Variants in FBXO38 observed in about 807,000 individuals in gnomAD.
FBXO38 encodes the protein F-box only protein 38.
A neutral mutation model predicts 131.9 loss-of-function variants in FBXO38; 53 were observed. That is an observed-to-expected ratio of 0.40 (90% CI 0.32 to 0.51). FBXO38 has a LOEUF of 0.51. Among genes scored for constraint, FBXO38 ranks in the 20% least tolerant of loss-of-function variants. The pLI is 0.53. For missense variants in FBXO38, 1,076 were observed against 1,475.6 expected, an observed-to-expected ratio of 0.73 and a Z score of 4.44; for synonymous variants, 452 against 505.6, an observed-to-expected ratio of 0.89 and a Z score of 1.42.
At position 148,441,211 on chromosome 5, in the gene FBXO38, G is replaced by T. The variant is rs149713669; in HGVS notation, c.3362G>T (p.Arg1121Leu). 2 of 1,613,368 alleles carry T rather than the reference G, an allele frequency of 1.2e-6. No individual in the cohort carries two copies. The highest frequency in any genetic ancestry group is 1.7e-6 in the Non-Finnish European group (2 of 1,179,726). ...GCTGCAGAGCCCAACAGCTTCGCTC[G>T]ATACGACTTTGAAGACGATGAAGAA... ...LRAAEPNSFA[R>L]YDFEDDEEST... is the part of the protein sequence containing the mutation. The change falls in exon 21 of 22, where the codon CGA (arginine) becomes CTA (leucine). Residue 1121 changes from arginine to leucine, a missense_variant. Arg to Leu is a moderately radical substitution (Grantham distance 102). This residue lies in a region of FBXO38 where 282 missense variants were observed against 418.8 expected (regional missense o/e 0.67). Transcript: ENST00000340253.
intron 8 of FBXO38, among the ~76,000 whole-genome samples, chr5:148,410,077 C>G (rs1752659868): frequency 6.6e-6 from 1 of 152,158 alleles, no homozygotes; most frequent in African/African-American, 2.4e-5. Flanking sequence ...TGCAGATACT[C>G]CTTTGAAGAA....
At chr5:148,441,934 C>T in intron 21 of FBXO38, 35 bp from the exon 22 acceptor site, 6 of 1,570,398 alleles carry the variant, frequency 3.8e-6, no homozygotes, top group Non-Finnish European at 5.2e-6. Context: ...TTCTGATTAT[C>T]ATATGTATCT....
Position 148,404,757 on chromosome 5 carries a change from A to C in FBXO38, c.665A>C (p.Lys222Thr). The part of the protein sequence containing the change: ...HLYMKWVRLT[K>T]PQPFKDFLCI... ...TATATGAAGTGGGTAAGACTCACTA[A>C]ACCACAGCCATTTAAAGACTTCCTT... Residue 222 changes from lysine to threonine, a missense_variant, in exon 6 of 22, where the codon AAA becomes ACA. Physicochemically the swap from Lys to Thr is moderately conservative, Grantham distance 78 (BLOSUM62 -1). Around this residue, in one of 8 missense-constraint regions of FBXO38, gnomAD observed 66 missense variants for 72.4 expected, o/e 0.91. Transcript: ENST00000340253. 4.4e-6 allele frequency: 7 copies of C among 1,608,550 alleles called. No homozygotes were observed. Among genetic ancestry groups the C allele is most frequent in the Non-Finnish European group, 5.9e-6 (7 of 1,178,258 alleles).
At chr5:148,407,721 G>A (rs1752518689) in intron 7 of FBXO38, among the ~76,000 whole-genome samples, 1 of 151,978 alleles carries the variant, frequency 6.6e-6, no homozygotes, top group African/African-American at 2.4e-5. Context: ...TCAGCAGATC[G>A]AGACCATCCT....
Position 148,439,818 on chromosome 5 carries a change from G to A in FBXO38, c.3170+26G>A, listed in dbSNP as rs950762200. ...GTAAGTAACTTTGTGGCCCTTAAAG[G>A]CCTTTTGAGTCATTTCTCATAGCAG... On this transcript the variant is annotated intron_variant, in intron 19 of 21. Coordinates refer to ENST00000340253, the MANE Select transcript of FBXO38 (RefSeq NM_205836.3). 1.2e-5 allele frequency: 19 copies of A among 1,609,978 alleles called. No homozygotes were observed. In the East Asian group the frequency reaches 2.2e-4, roughly 19 times the overall value.
chr5:148,434,695 T>A (rs1754240600), intron 17 of FBXO38: 1 of 152,240 alleles, frequency 6.6e-6, no homozygotes, highest in African/African-American at 2.4e-5. Context: ...CATAAGAATT[T>A]TTTTTATTTT....
chr5:148,440,098 A>G (rs529527405), intron 19 of FBXO38, among the ~76,000 whole-genome samples: 6 of 152,344 alleles, frequency 3.9e-5, no homozygotes, highest in Non-Finnish European at 8.8e-5. Context: ...TCTTAAGACT[A>G]TGATATTCTA....
intron 15 of FBXO38, among the ~76,000 whole-genome samples, chr5:148,432,709 A>G (rs1403943512): frequency 2.6e-5 from 4 of 152,226 alleles, no homozygotes; most frequent in African/African-American, 4.8e-5. Flanking sequence ...TTCAATAAAC[A>G]TTCATTTTAT....
chr5:148,387,080 G>A (rs1757951660), intron 1 of FBXO38, among the ~76,000 whole-genome samples: 1 of 151,938 alleles, frequency 6.6e-6, no homozygotes, highest in African/African-American at 2.4e-5. Flanking sequence ...TCATTGATTG[G>A]CTCTTCCTTC....
chr5:148,409,066 A>G lies in FBXO38; in HGVS notation c.869-58A>G. The G allele has an allele frequency of 3.3e-6, 3 of 922,180 alleles. No homozygotes were observed. The Admixed American group carries it at 5.1e-5, about 16-fold the overall frequency. 57.1% of individuals were successfully genotyped at this position (922,180 alleles called of 1,614,324 possible). A position where few individuals can be genotyped will look rare whatever the true frequency, so the allele number is the denominator to read the frequency against. On this transcript the variant is annotated intron_variant, in intron 7 of 21. Transcript: ENST00000340253. ...GATAATACTTTATAATGTATAGTAT[A>G]TAAATACTTCACTAAAAATGCTATG...
intron 7 of FBXO38, among the ~76,000 whole-genome samples, chr5:148,408,686 T>C (rs527592319): frequency 6.6e-6 from 1 of 152,332 alleles, no homozygotes; most frequent in African/African-American, 2.4e-5. Flanking sequence ...TTAAGCTATA[T>C]ATTAGTAATT....
intron 14 of FBXO38, 70 bp from the exon 15 acceptor site, chr5:148,427,143 T>TG: frequency 6.6e-7 from 1 of 1,507,736 alleles, no homozygotes; most frequent in South Asian, 1.4e-5. Flanking sequence ...AATTTACTCT[T>TG]GCGTTTTGTC....
At chr5:148,409,806 A>G (rs1364224906) in intron 8 of FBXO38, among the ~76,000 whole-genome samples, 1 of 152,170 alleles carries the variant, frequency 6.6e-6, no homozygotes, top group African/African-American at 2.4e-5. Context: ...TTTTTCCATC[A>G]AGAGACTTGA....
intron 2 of FBXO38, among the ~76,000 whole-genome samples, 184 bp downstream of exon 2, chr5:148,395,088 A>G (rs1050516781): frequency 2.6e-5 from 4 of 152,154 alleles, no homozygotes; most frequent in African/African-American, 7.2e-5. Flanking sequence ...ATATGTGGCT[A>G]GTGGACACGG....
intron 2 of FBXO38, among the ~76,000 whole-genome samples, chr5:148,396,167 C>G (rs919472447): frequency 4.6e-5 from 7 of 151,656 alleles, no homozygotes; most frequent in Non-Finnish European, 8.8e-5. Flanking sequence ...GATTAGAAGA[C>G]CAAATTAAAA....
intron 14 of FBXO38, 23 bp from the exon 15 acceptor site, chr5:148,427,190 C>T (rs376342636): frequency 1.2e-5 from 19 of 1,551,234 alleles, no homozygotes; most frequent in African/African-American, 6.9e-5. Context: ...TTCCTCGGGC[C>T]GTTCTTCTTT....
chr5:148,434,709 G>C (rs1754241234), intron 17 of FBXO38: 1 of 152,144 alleles, frequency 6.6e-6, no homozygotes, highest in Non-Finnish European at 1.5e-5. Context: ...TTATTTTCCA[G>C]CACATATAAA....
chr5:148,417,314 A>T (rs1258034617), intron 12 of FBXO38, 110 bp downstream of exon 12: 1 of 799,802 alleles, frequency 1.3e-6, no homozygotes, highest in Non-Finnish European at 2.1e-6. Context: ...CACTTTCCAC[A>T]TTGAGGAAAG....
chr5:148,417,159 T>C lies in FBXO38; in HGVS notation c.1573T>C (p.Phe525Leu). The C allele has an allele frequency of 6.2e-7, 1 of 1,613,954 alleles. No homozygotes were observed. Among genetic ancestry groups the C allele is most frequent in the Non-Finnish European group, 8.5e-7 (1 of 1,179,872 alleles). ...HPDDSDEENDFRQDLQPGEQQ... is the reference protein window; with the variant it reads ...HPDDSDEENDLRQDLQPGEQQ... ...AGATGACTCAGACGAGGAGAATGACTTTCGGCAAGATCTGCAGCCAGGAGA... is the reference window on the plus strand; with the variant it reads ...AGATGACTCAGACGAGGAGAATGACCTTCGGCAAGATCTGCAGCCAGGAGA... Residue 525 changes from phenylalanine (F) to leucine (L), a missense_variant, in exon 12 of 22, where the codon TTT (phenylalanine) becomes CTT (leucine). Around this residue, in one of 8 missense-constraint regions of FBXO38, gnomAD observed 212 missense variants for 221.2 expected, o/e 0.96. Coordinates refer to ENST00000340253, the MANE Select transcript of FBXO38 (RefSeq NM_205836.3).
Sources: gnomAD v4.1 joint callset for allele counts (sites outside exome capture counted in the v4.1 genomes callset) on GRCh38, gnomAD v4.1.1 for gene constraint, gnomAD v4.1.1 regional missense constraint, MANE v1.5 for transcripts, NCBI Gene and HGNC (gene_info 2026-07-23, HGNC 2026-07-21) for gene names.